INTS6: variants seen among roughly 807,000 people sequenced by gnomAD.
The protein encoded by INTS6 is integrator complex subunit 6.
In INTS6, 16 loss-of-function variants were observed where a neutral mutation model predicts 104.9. The ratio of observed to expected loss-of-function variants is 0.15; its 90% CI spans 0.10 to 0.23. The LOEUF (loss-of-function observed/expected upper bound fraction) is 0.23, where lower values mean the gene tolerates loss of function less well. Among genes scored for constraint, INTS6 ranks in the 10% least tolerant of loss-of-function variants. INTS6 has a pLI of 1.00. For missense variants in INTS6, 584 were observed against 1,062.8 expected (o/e 0.55, Z 6.26); for synonymous variants, 324 against 358.7 (o/e 0.90, Z 1.09).
chr13:51,335,503 G>T, the INTS6 span, among the ~76,000 whole-genome samples: 2 of 152,244 alleles, frequency 1.3e-5, no homozygotes, highest in Admixed American at 6.5e-5. Flanking sequence ...TGGCAGAGAT[G>T]TGGGGTGTTG....
intron 15 of INTS6, among the ~76,000 whole-genome samples, chr13:51,372,174 ATT>A (rs1955819909): frequency 6.6e-6 from 1 of 151,750 alleles, no homozygotes; most frequent in Admixed American, 6.6e-5. Flanking sequence ...ACTCATAGCC[ATT>A]GTTTCCATTT....
At position 51,451,193 on chromosome 13, in the gene INTS6, GA is replaced by G. The variant is rs749424413; in HGVS notation, c.190-20del. The G allele has an allele frequency of 1.2e-5, 18 of 1,527,898 alleles. No individual in the cohort carries two copies. The highest frequency in any genetic ancestry group is 2.8e-5 in the African/African-American group (2 of 71,360). The allele number at this position is 1,527,898 out of a possible 1,614,324, so 94.6% of individuals were successfully genotyped here. A position where few individuals can be genotyped will look rare whatever the true frequency, so the allele number is the denominator to read the frequency against. ...ATCCAGCCTGAAAAGAAAAATGTAA[GA>G]TTTTTTTTTTTCATTTTTTAAAGCC... On this transcript the variant is annotated intron_variant, in intron 2 of 17. Transcript: ENST00000311234.
At chr13:51,371,958 T>C (rs1187365137) in intron 15 of INTS6, among the ~76,000 whole-genome samples, 1 of 152,172 alleles carries the variant, frequency 6.6e-6, no homozygotes, top group Non-Finnish European at 1.5e-5. Context: ...GCGTTCTCAG[T>C]AATTTTGTGC....
the INTS6 span, chr13:51,341,069 T>C: frequency 6.2e-7 from 1 of 1,609,474 alleles, no homozygotes; most frequent in South Asian, 1.1e-5. Flanking sequence ...TCCCTCTGAA[T>C]TGCAGGAACC....
intron 3 of INTS6, chr13:51,448,892 A>G (rs370604345): frequency 1.3e-5 from 2 of 152,374 alleles, no homozygotes; most frequent in South Asian, 2.1e-4. Flanking sequence ...GTTACAAAAT[A>G]AAAGTATTCC....
chr13:51,425,548 C>A (rs1956969581), intron 4 of INTS6, among the ~76,000 whole-genome samples: 2 of 151,996 alleles, frequency 1.3e-5, no homozygotes, highest in African/African-American at 4.8e-5. Context: ...TTAGCACTTT[C>A]AAGGAAGAGA....
intron 13 of INTS6, among the ~76,000 whole-genome samples, chr13:51,375,164 C>T (rs1468078773): frequency 1.3e-5 from 2 of 151,854 alleles, no homozygotes; most frequent in Non-Finnish European, 2.9e-5. Flanking sequence ...ACCAGCCTGG[C>T]CAACATGGCA....
chr13:51,417,306 C>T (rs966277579), intron 4 of INTS6, among the ~76,000 whole-genome samples: 2 of 152,100 alleles, frequency 1.3e-5, no homozygotes, highest in African/African-American at 4.8e-5. Context: ...AAGATTAAGC[C>T]TATGTTTTCT....
intron 3 of INTS6, chr13:51,449,589 C>T (rs1308085364): frequency 1.0e-6 from 1 of 985,128 alleles, no homozygotes; most frequent in Non-Finnish European, 1.2e-6. Context: ...TTCTGCCATA[C>T]ACTAACAACA....
intron 5 of INTS6, among the ~76,000 whole-genome samples, chr13:51,392,960 A>G (rs1044332170): frequency 2.6e-5 from 4 of 152,180 alleles, no homozygotes; most frequent in Admixed American, 2.0e-4. Flanking sequence ...ATAGAAAGAA[A>G]TATATTATTA....
Position 51,374,437 on chromosome 13 carries a change from A to G in INTS6, c.1875T>C (p.Gly625=), listed in dbSNP as rs754962763. The G allele has an allele frequency of 6.2e-7, 1 of 1,612,644 alleles. No individual in the cohort carries two copies. The highest frequency in any genetic ancestry group is 1.1e-5 in the South Asian group (1 of 91,032). ...FGNPFKLDKK[G]MMIDEADEFV... ...ATTCATCTGCTTCATCTATCATCAT[A>G]CCCTTTAGCAAAAAAGAATACAACT... The change falls in exon 15 of 18, where the codon GGT becomes GGC. Residue 625 remains glycine (G), a splice_region_variant and synonymous_variant. Transcript: ENST00000311234.
chr13:51,376,021 A>T, intron 13 of INTS6, 27 bp downstream of exon 13: 1 of 1,556,542 alleles, frequency 6.4e-7, no homozygotes, highest in Non-Finnish European at 8.7e-7. Context: ...AAAATTAAAA[A>T]TACCAGTATT....
At chr13:51,402,731 T>C (rs538659699) in intron 4 of INTS6, 2 of 152,324 alleles carry the variant, frequency 1.3e-5, no homozygotes, top group East Asian at 3.9e-4. Context: ...GAGACTTTAC[T>C]GCCCCTTCAC....
At chr13:51,356,534 C>A (rs1247645374) in intron 3 of INTS6, among the ~76,000 whole-genome samples, 2 of 152,120 alleles carry the variant, frequency 1.3e-5, no homozygotes, top group Non-Finnish European at 2.9e-5. Flanking sequence ...GCTGTATTTT[C>A]TTCTACATCA....
chr13:51,450,205 C>A lies in INTS6; in HGVS notation c.339+820G>T, dbSNP rs1366099333. On this transcript the variant is annotated intron_variant, in intron 3 of 17. Coordinates refer to ENST00000311234, the MANE Select transcript of INTS6 (RefSeq NM_012141.3). ...ACTGAGCTCCTTGGAAATAATATTC[C>A]TTTGTTACATGTAACATTATACATT... The A allele has an allele frequency of 3.0e-6, 3 of 984,748 alleles. No individual in the cohort carries two copies. In the East Asian group the frequency reaches 3.4e-4, roughly 112 times the overall value. The allele number at this position is 984,748 out of a possible 1,614,324, so 61.0% of individuals were successfully genotyped here. A position where few individuals can be genotyped will look rare whatever the true frequency, so the allele number is the denominator to read the frequency against.
In INTS6 at chr13:51,365,520, A is replaced by T. The variant is rs1260395278; in HGVS notation, c.*232T>A. On this transcript the variant is annotated 3_prime_UTR_variant, in exon 18 of 18. Coordinates refer to ENST00000311234, the MANE Select transcript of INTS6 (RefSeq NM_012141.3). ...GCAAGAGATTTGGAGGAATATTTTT[A>T]GTTTGTTAAATTAAAAATGTTTTTT... The T allele has an allele frequency of 1.2e-5, 3 of 259,524 alleles. No homozygotes were observed. The highest frequency in any genetic ancestry group is 6.7e-5 in the African/African-American group (3 of 44,646). The allele number at this position is 259,524 out of a possible 1,614,324, so 16.1% of individuals were successfully genotyped here. A position where few individuals can be genotyped will look rare whatever the true frequency, so the allele number is the denominator to read the frequency against.
rs763692162 is a variant in INTS6, at chr13:51,452,075, A to C, written c.112-20T>G. ...ACGGAGCTGCGGGACGGGAGGAGGA[A>C]CAGGGCGGGCGACAGGGAAGCACAG... On this transcript the variant is annotated intron_variant, in intron 1 of 17. Transcript: ENST00000311234. This position sits in a 1 kb window ranked among gnomAD's most constrained non-coding sequence, Gnocchi z 4.2. The C allele has an allele frequency of 1.9e-6, 3 of 1,605,478 alleles. No homozygotes were observed. Among genetic ancestry groups the C allele is most frequent in the Non-Finnish European group, 2.6e-6 (3 of 1,175,344 alleles).
At chr13:51,356,727 C>G (rs544708156), downstream of INTS6, among the ~76,000 whole-genome samples, 1 of 152,206 alleles carries the variant, frequency 6.6e-6, no homozygotes, top group East Asian at 1.9e-4. Flanking sequence ...ACAAACTCCT[C>G]TGGCAAGATC....
chr13:51,369,669 TAGAG>T (rs1451100358), intron 15 of INTS6, among the ~76,000 whole-genome samples: 1 of 152,156 alleles, frequency 6.6e-6, no homozygotes, highest in Non-Finnish European at 1.5e-5. Context: ...ATCTCTACCT[TAGAG>T]AGCCCTAACT....
Sources: gnomAD v4.1 joint callset for allele counts (sites outside exome capture counted in the v4.1 genomes callset) on GRCh38, gnomAD v4.1.1 for gene constraint, Gnocchi (gnomAD v3.1) non-coding constraint, MANE v1.5 for transcripts, NCBI Gene and HGNC (gene_info 2026-07-23, HGNC 2026-07-21) for gene names.